CREB5: variants seen among roughly 807,000 people sequenced by gnomAD.
The protein encoded by CREB5 is cAMP responsive element binding protein 5, also known as cyclic AMP-responsive element-binding protein 5.
Under a neutral mutation model 57.1 loss-of-function variants are expected in CREB5, and 19 were observed. That is an observed-to-expected ratio of 0.33 (90% CI 0.23 to 0.49). The LOEUF is 0.49. Ranked by LOEUF, CREB5 falls within the 20% of genes least tolerant of loss-of-function variation. The probability of loss-of-function intolerance (pLI) is 0.99; values close to 1 mark genes in which losing one functional copy is unlikely to be tolerated. For missense variants in CREB5, 579 were observed against 671.6 expected (o/e 0.86, Z 1.52); for synonymous variants, 238 against 238.3 (o/e 1.00, Z 0.01).
intron 5 of CREB5, among the ~76,000 whole-genome samples, chr7:28,584,124 G>A (rs546725555): frequency 1.3e-5 from 2 of 152,204 alleles, no homozygotes; most frequent in Non-Finnish European, 2.9e-5. Flanking sequence ...CTCACGGAAC[G>A]CAATGATGAC....
At chr7:28,731,093 T>A (rs1047415526) in intron 7 of CREB5, among the ~76,000 whole-genome samples, 1 of 152,198 alleles carries the variant, frequency 6.6e-6, no homozygotes, top group African/African-American at 2.4e-5. Flanking sequence ...AATTTGAGTT[T>A]AGCTATTGTT....
chr7:28,495,710 A>G (rs1477259525), intron 3 of CREB5, among the ~76,000 whole-genome samples: 1 of 152,200 alleles, frequency 6.6e-6, no homozygotes. Context: ...GCTAAAATAA[A>G]GGATCATCTA....
At chr7:28,582,478 A>G (rs1237958091) in intron 5 of CREB5, among the ~76,000 whole-genome samples, 2 of 152,162 alleles carry the variant, frequency 1.3e-5, no homozygotes, top group Non-Finnish European at 2.9e-5. Flanking sequence ...ACTTCTTTTT[A>G]GTCTTATGAT....
intron 1 of CREB5, among the ~76,000 whole-genome samples, chr7:28,380,960 ATGT>A (rs1786955114): frequency 6.6e-6 from 1 of 152,144 alleles, no homozygotes; most frequent in Non-Finnish European, 1.5e-5. Flanking sequence ...TGAAATTATA[ATGT>A]TGTCTGTAGT....
intron 5 of CREB5, among the ~76,000 whole-genome samples, chr7:28,595,211 T>C (rs1796653806): frequency 6.6e-6 from 1 of 152,172 alleles, no homozygotes; most frequent in South Asian, 2.1e-4. Context: ...AACAAAGTCA[T>C]GCCCTGCTAC....
At chr7:28,517,174 C>T (rs1793000128) in intron 4 of CREB5, among the ~76,000 whole-genome samples, 2 of 152,128 alleles carry the variant, frequency 1.3e-5, no homozygotes, top group Non-Finnish European at 1.5e-5. Context: ...ACCTGGGCCC[C>T]TCACAGAGAC....
intron 4 of CREB5, among the ~76,000 whole-genome samples, chr7:28,560,817 TGTGTGCGCGCGCGC>T (rs1795074423): frequency 2.1e-5 from 2 of 94,640 alleles, no homozygotes; most frequent in Non-Finnish European, 2.3e-5. Flanking sequence ...CGCGTGTGTG[TGTGTGCGCGCGCGC>T]GCGTGTGTGT....
chr7:28,334,208 T>A (rs550936222), intron 1 of CREB5, among the ~76,000 whole-genome samples: 3 of 152,282 alleles, frequency 2.0e-5, no homozygotes, highest in African/African-American at 7.2e-5. Context: ...CAGGCTGGAG[T>A]GCAATGGTGC....
chr7:28,395,518 C>T (rs947788782), intron 1 of CREB5, among the ~76,000 whole-genome samples: 3 of 152,178 alleles, frequency 2.0e-5, no homozygotes, highest in African/African-American at 4.8e-5. Context: ...TGGTGTGAAA[C>T]CAGGTTCTCC....
intron 5 of CREB5, among the ~76,000 whole-genome samples, chr7:28,620,089 A>T (rs1432194889): frequency 6.6e-6 from 1 of 152,200 alleles, no homozygotes; most frequent in Non-Finnish European, 1.5e-5. Flanking sequence ...CAAAATAATA[A>T]TTTTTAAAAC....
At chr7:28,327,040 T>C (rs535036429) in intron 1 of CREB5, among the ~76,000 whole-genome samples, 4 of 151,554 alleles carry the variant, frequency 2.6e-5, no homozygotes, top group African/African-American at 9.7e-5. Flanking sequence ...TCCCAGCTAC[T>C]TGGGAGGCTG....
chr7:28,750,440 G>C (rs1424118829), intron 7 of CREB5, among the ~76,000 whole-genome samples: 1 of 152,144 alleles, frequency 6.6e-6, no homozygotes, highest in Non-Finnish European at 1.5e-5. Context: ...GTCTGGGCTT[G>C]CTTTTTCACT....
At chr7:28,723,204 G>T (rs1052312509) in intron 6 of CREB5, among the ~76,000 whole-genome samples, 1 of 152,132 alleles carries the variant, frequency 6.6e-6, no homozygotes, top group Non-Finnish European at 1.5e-5. Flanking sequence ...GTCCCCCTGA[G>T]GAAAGTCTAA....
chr7:28,477,221 C>A (rs1464678288), intron 1 of CREB5, among the ~76,000 whole-genome samples: 3 of 152,220 alleles, frequency 2.0e-5, no homozygotes, highest in African/African-American at 7.2e-5. Flanking sequence ...GAACAATACC[C>A]CATCAAGGGC....
Position 28,495,466 on chromosome 7 carries a change from C to T in CREB5, c.169+467C>T, listed in dbSNP as rs756048256. 1.6e-4 allele frequency among the ~76,000 whole-genome samples: 24 copies of T among 151,052 alleles called. 1 individual carries two copies. Among genetic ancestry groups the T allele is most frequent in the Admixed American group, 8.6e-4 (13 of 15,124 alleles). On this transcript the variant is annotated intron_variant, in intron 3 of 10. Transcript: ENST00000357727. Reference sequence around the variant, plus strand: ...CTGAGGCATGAGAATCGCTTGGACCCGGGAGGGGGAGGTTGCAGTGAGCTG... The same window carrying T: ...CTGAGGCATGAGAATCGCTTGGACCTGGGAGGGGGAGGTTGCAGTGAGCTG...
intron 1 of CREB5, among the ~76,000 whole-genome samples, chr7:28,431,659 T>C (rs2128017740): frequency 6.6e-6 from 1 of 152,324 alleles, no homozygotes; most frequent in East Asian, 1.9e-4. Flanking sequence ...GTTCACAGAT[T>C]GATGTATCCT....
intron 4 of CREB5, among the ~76,000 whole-genome samples, chr7:28,539,216 T>A (rs11769156): frequency 2.0e-5 from 3 of 152,296 alleles, no homozygotes; most frequent in Non-Finnish European, 4.4e-5. Flanking sequence ...GTTTTCAGAA[T>A]GGTACCTGGC....
rs1301084750 is a variant in CREB5, at chr7:28,778,201, C to A, written c.703-25998C>A. 2.0e-5 allele frequency among the ~76,000 whole-genome samples: 3 copies of A among 152,194 alleles called. No individual in the cohort carries two copies. In the East Asian group the frequency reaches 5.8e-4, roughly 29 times the overall value. ...AGAACTTGTAGTAACTTGAGCACATCTTTATGTAAACATAATTTTCTAGTT... is the reference window on the plus strand; with the variant it reads ...AGAACTTGTAGTAACTTGAGCACATATTTATGTAAACATAATTTTCTAGTT... On this transcript the variant is annotated intron_variant, in intron 7 of 10. Coordinates refer to ENST00000357727, the MANE Select transcript of CREB5 (RefSeq NM_182898.4).
chr7:28,345,520 G>A (rs1012980861), intron 1 of CREB5, among the ~76,000 whole-genome samples: 2 of 152,134 alleles, frequency 1.3e-5, no homozygotes, highest in Admixed American at 6.5e-5. Context: ...GGCCAGGCTT[G>A]ACCTCAATTT....
Sources: allele counts gnomAD v4.1 joint callset (sites outside exome capture counted in the v4.1 genomes callset), GRCh38; gene constraint gnomAD v4.1.1; transcripts MANE v1.5; gene names NCBI Gene and HGNC (gene_info 2026-07-23, HGNC 2026-07-21).